Variants in MITF observed in about 807,000 individuals in gnomAD.
MITF encodes microphthalmia-associated transcription factor.
In MITF, 17 loss-of-function variants were observed where a neutral mutation model predicts 60.5. The observed-to-expected ratio is 0.28, with a 90% CI of 0.19 to 0.42. MITF has a LOEUF of 0.42. Among genes scored for constraint, MITF ranks in the 10% least tolerant of loss-of-function variants. The pLI is 1.00. For synonymous variants in MITF, 260 were observed against 248.5 expected (o/e 1.05, Z -0.43); for missense variants, 622 against 683.5 (o/e 0.91, Z 1.00).
chr3:69,854,136 C>T (rs2107187612), intron 1 of MITF, among the ~76,000 whole-genome samples: 1 of 152,328 alleles, frequency 6.6e-6, no homozygotes, highest in Admixed American at 6.5e-5. Flanking sequence ...GCGTGAGCCA[C>T]CGAGCCCAGC....
At position 69,836,080 on chromosome 3, in the gene MITF, A is replaced by C. The variant is rs529459643; in HGVS notation, c.105-43054A>C. Among the ~76,000 whole-genome samples the C allele has an allele frequency of 5.9e-5, 9 of 152,236 alleles. No individual in the cohort carries two copies. The South Asian group carries it at 1.7e-3, about 28-fold the overall frequency. On this transcript the variant is annotated intron_variant, in intron 1 of 9. Transcript: ENST00000352241. Reference sequence around the variant, plus strand: ...GTTTGGATAGGATGGCCATTTTAGCAATATTAATTCTTTCGGTTCATGGAC... The same window carrying C: ...GTTTGGATAGGATGGCCATTTTAGCCATATTAATTCTTTCGGTTCATGGAC...
At chr3:69,872,097 G>C (rs184973927) in intron 1 of MITF, among the ~76,000 whole-genome samples, 23 of 152,222 alleles carry the variant, frequency 1.5e-4, no homozygotes, top group Admixed American at 5.2e-4. Context: ...AACTTTATCT[G>C]CTTCATAACC....
At chr3:69,831,975 T>G (rs1355892832) in intron 1 of MITF, among the ~76,000 whole-genome samples, 1 of 152,168 alleles carries the variant, frequency 6.6e-6, no homozygotes, top group African/African-American at 2.4e-5. Context: ...CCAGCCAGTC[T>G]CCCGGAGCCG....
chr3:69,765,517 C>A, intron 1 of MITF, among the ~76,000 whole-genome samples: 1 of 152,184 alleles, frequency 6.6e-6, no homozygotes, highest in East Asian at 1.9e-4. Context: ...TTCAGAGGAA[C>A]CTCTTTTCCT....
chr3:69,906,754 T>C (rs925969786), intron 2 of MITF, among the ~76,000 whole-genome samples: 10 of 152,164 alleles, frequency 6.6e-5, no homozygotes, highest in African/African-American at 2.4e-4. Flanking sequence ...GTAGGATCTG[T>C]CCAGGACTAT....
At chr3:69,905,425 A>G (rs989102371) in intron 2 of MITF, among the ~76,000 whole-genome samples, 2 of 151,710 alleles carry the variant, frequency 1.3e-5, no homozygotes, top group Non-Finnish European at 2.9e-5. Context: ...TTAGAATATT[A>G]CAAAGTTCCT....
intron 2 of MITF, among the ~76,000 whole-genome samples, chr3:69,898,127 A>C (rs2064918803): frequency 6.6e-6 from 1 of 152,200 alleles, no homozygotes; most frequent in Admixed American, 6.5e-5. Flanking sequence ...CAGACAGGAG[A>C]GGGGCACAGA....
intron 1 of MITF, among the ~76,000 whole-genome samples, chr3:69,795,948 T>G (rs2062820167): frequency 6.6e-6 from 1 of 152,162 alleles, no homozygotes; most frequent in Admixed American, 6.5e-5. Flanking sequence ...TCAAATCCAC[T>G]GTTATGAAGC....
intron 1 of MITF, among the ~76,000 whole-genome samples, chr3:69,740,418 T>C (rs1271941753): frequency 5.3e-5 from 8 of 152,196 alleles, no homozygotes; most frequent in Non-Finnish European, 1.2e-4. Context: ...TGGGGGTTAC[T>C]GGGAGTGTAC....
chr3:69,965,018 A>G lies in MITF; in HGVS notation c.1351A>G (p.Thr451Ala). 6.2e-6 allele frequency: 10 copies of G among 1,612,340 alleles called. No individual in the cohort carries two copies. The highest frequency in any genetic ancestry group is 8.5e-6 in the Non-Finnish European group (10 of 1,178,412). ...DLTCTTTLDL[T>A]DGTITFNNNL... ...AACCTGTACAACAACTCTCGATCTCACGGATGGCACCATCACCTTCAACAA... is the reference window on the plus strand; with the variant it reads ...AACCTGTACAACAACTCTCGATCTCGCGGATGGCACCATCACCTTCAACAA... The change falls in exon 10 of 10, where the codon ACG (threonine) becomes GCG (alanine). Residue 451 changes from threonine to alanine, a missense_variant. Thr to Ala is a moderately conservative substitution (Grantham distance 58). Around this residue, in one of 5 missense-constraint regions of MITF, gnomAD observed 224 missense variants for 209.5 expected, o/e 1.07. Coordinates refer to ENST00000352241, the MANE Select transcript of MITF (RefSeq NM_001354604.2).
intron 1 of MITF, among the ~76,000 whole-genome samples, chr3:69,876,466 G>A (rs1204522032): frequency 2.1e-5 from 3 of 146,212 alleles, no homozygotes; most frequent in African/African-American, 7.6e-5. Flanking sequence ...TTCTTTTCTT[G>A]GCTTAGGAAG....
chr3:69,952,239 G>A (rs2066274764), intron 7 of MITF, among the ~76,000 whole-genome samples: 2 of 152,116 alleles, frequency 1.3e-5, no homozygotes, highest in African/African-American at 4.8e-5. Context: ...AACAAAAGGG[G>A]ATTAGGGAAG....
At chr3:69,841,661 G>T (rs558235919) in intron 1 of MITF, among the ~76,000 whole-genome samples, 1 of 152,302 alleles carries the variant, frequency 6.6e-6, no homozygotes, top group East Asian at 1.9e-4. Flanking sequence ...CAGAAAGCAT[G>T]CACTATCTTA....
At chr3:69,938,698 C>G (rs1191288435) in intron 3 of MITF, 2 of 1,301,090 alleles carry the variant, frequency 1.5e-6, no homozygotes, top group Middle Eastern at 3.0e-4. Flanking sequence ...AAATTTGCAG[C>G]ATACAAATAC....
At chr3:69,793,552 A>ATAGCATGCACCCCCTCCC (rs1559633677) in intron 1 of MITF, among the ~76,000 whole-genome samples, 1 of 151,934 alleles carries the variant, frequency 6.6e-6, no homozygotes, top group African/African-American at 2.4e-5. Flanking sequence ...CCCAATGCTC[A>ATAGCATGCACCCCCTCCC]AGTTATGATG....
At chr3:69,779,952 AC>A (rs571141320) in intron 1 of MITF, among the ~76,000 whole-genome samples, 8 of 152,144 alleles carry the variant, frequency 5.3e-5, no homozygotes, top group Non-Finnish European at 1.2e-4. Context: ...AAGCTAGGAC[AC>A]CTTTGGGAGG....
intron 2 of MITF, chr3:69,936,672 G>T: frequency 1.2e-6 from 2 of 1,611,752 alleles, no homozygotes; most frequent in Non-Finnish European, 1.7e-6. Flanking sequence ...AAAGTAGAGG[G>T]AGGGATAGTC....
intron 1 of MITF, among the ~76,000 whole-genome samples, chr3:69,805,950 C>A (rs1163232528): frequency 1.3e-5 from 2 of 152,096 alleles, no homozygotes; most frequent in Non-Finnish European, 2.9e-5. Flanking sequence ...TATGAGCCAC[C>A]ATGCATGGCC....
chr3:69,947,226 T>C (rs1179976741), intron 5 of MITF, among the ~76,000 whole-genome samples: 1 of 152,222 alleles, frequency 6.6e-6, no homozygotes, highest in Non-Finnish European at 1.5e-5. Context: ...GCTTTGAATT[T>C]TCAAGTCACA....
Sources: gnomAD v4.1 joint callset for allele counts (sites outside exome capture counted in the v4.1 genomes callset) on GRCh38, gnomAD v4.1.1 for gene constraint, gnomAD v4.1.1 regional missense constraint, MANE v1.5 for transcripts, NCBI Gene and HGNC (gene_info 2026-07-23, HGNC 2026-07-21) for gene names.